HIVEP1: variants seen among roughly 807,000 people sequenced by gnomAD.
HIVEP1 encodes the protein zinc finger protein 40.
In HIVEP1, 36 loss-of-function variants were observed where a neutral mutation model predicts 180.0. The observed-to-expected ratio is 0.20, with a 90% CI of 0.15 to 0.26. HIVEP1 has a LOEUF of 0.26. HIVEP1 is among the 10% of genes least tolerant of loss of function. HIVEP1 has a pLI of 1.00. For missense variants in HIVEP1, 3,143 were observed against 3,268.7 expected, an observed-to-expected ratio of 0.96 and a Z score of 0.94; for synonymous variants, 1,239 against 1,239.0, an observed-to-expected ratio of 1.00 and a Z score of 0.00.
chr6:12,034,162 C>G lies in HIVEP1; in HGVS notation c.40+18494C>G, dbSNP rs535611951. On this transcript the variant is annotated intron_variant, in intron 2 of 8. Transcript: ENST00000379388. ...TAAACATTAGATAGTCTTTTAGCAC[C>G]TGCATTTTTTTGTAAGAGTCAAGCA... is the stretch of plus-strand genomic sequence containing the variant. Among the ~76,000 whole-genome samples, 121 of 152,258 alleles carry G rather than the reference C, an allele frequency of 7.9e-4. 1 individual carries two copies. Among genetic ancestry groups the G allele is most frequent in the African/African-American group, 2.8e-3 (117 of 41,556 alleles).
chr6:12,194,845 AC>A, the HIVEP1 span, among the ~76,000 whole-genome samples: 7 of 152,070 alleles, frequency 4.6e-5, no homozygotes, highest in South Asian at 1.5e-3. Flanking sequence ...TGTTGTCAGG[AC>A]TCTTACAACA....
In HIVEP1 at chr6:12,121,452, G is replaced by A; in HGVS notation, c.1657G>A (p.Glu553Lys). The A allele has an allele frequency of 6.2e-7, 1 of 1,614,204 alleles. No individual in the cohort carries two copies. Among genetic ancestry groups the A allele is most frequent in the African/African-American group, 1.3e-5 (1 of 75,056 alleles). The change falls in exon 4 of 9, where the codon GAA (glutamate) becomes AAA (lysine). Residue 553 changes from glutamate to lysine, a missense_variant. By Grantham distance (56) the Glu-to-Lys change is moderately conservative. Around this residue, in one of 12 missense-constraint regions of HIVEP1, gnomAD observed 365 missense variants for 344.4 expected, o/e 1.06. Transcript: ENST00000379388. This position sits in a 1 kb window ranked among gnomAD's most constrained non-coding sequence, Gnocchi z 5.3. ...CTTTTTGCTACAGGACAGATCTGCA[G>A]AATCACAAGCTGTGACAGAGTTACC... ...GDFLLQDRSAESQAVTELPKV... is the reference protein window; with the variant it reads ...GDFLLQDRSAKSQAVTELPKV...
chr6:12,016,147 A>G lies in HIVEP1; in HGVS notation c.40+479A>G, dbSNP rs145498968. Among the ~76,000 whole-genome samples the G allele has an allele frequency of 4.6e-4, 70 of 152,366 alleles. 1 individual carries two copies. The highest frequency in any genetic ancestry group is 1.6e-3 in the African/African-American group (66 of 41,580). On this transcript the variant is annotated intron_variant, in intron 2 of 8. Coordinates refer to ENST00000379388, the MANE Select transcript of HIVEP1 (RefSeq NM_002114.4). ...ATTCACTCAGACCATTACTTGCAGA[A>G]GTCAGAGGCAAACTGAGTTATTTTC...
At chr6:12,188,113 C>T in the HIVEP1 span, among the ~76,000 whole-genome samples, 464 of 152,258 alleles carry the variant, frequency 3.0e-3, 2 homozygotes, top group African/African-American at 0.011. Context: ...TTAAGATCAT[C>T]TGTCACTTAT....
At chr6:12,187,306 A>G in the HIVEP1 span, among the ~76,000 whole-genome samples, 3 of 152,108 alleles carry the variant, frequency 2.0e-5, no homozygotes, top group Admixed American at 1.3e-4. Flanking sequence ...TGGGGGTCTA[A>G]TGGGAGGTGT....
intron 8 of HIVEP1, among the ~76,000 whole-genome samples, 198 bp downstream of exon 8, chr6:12,162,127 T>A (rs1182419639): frequency 6.6e-6 from 1 of 152,014 alleles, no homozygotes; most frequent in Non-Finnish European, 1.5e-5. Flanking sequence ...TCTTAAGCAG[T>A]TCAGATATTT....
At chr6:12,038,409 C>T (rs1388435029) in intron 2 of HIVEP1, 1 of 152,182 alleles carries the variant, frequency 6.6e-6, no homozygotes, top group Non-Finnish European at 1.5e-5. Flanking sequence ...CGCGGTGGCT[C>T]ACGATTGTAA....
Position 12,163,611 on chromosome 6 carries a change from G to A in HIVEP1, c.7307G>A (p.Arg2436Lys). Residue 2436 changes from arginine (R) to lysine (K), a missense_variant, in exon 9 of 9, where the codon AGA becomes AAA. Physicochemically the swap from Arg to Lys is conservative, Grantham distance 26 (BLOSUM62 2). Transcript: ENST00000379388. ...LTIPAVSVVH[R>K]TLGTHRNTVT... ...ATCCCTGCTGTCAGTGTCGTTCACA[G>A]AACTTTGGGTACTCATAGGAATACG... 1 of 1,614,198 alleles carries A rather than the reference G, an allele frequency of 6.2e-7. No homozygotes were observed. Among genetic ancestry groups the A allele is most frequent in the Non-Finnish European group, 8.5e-7 (1 of 1,180,036 alleles).
At chr6:12,165,514 T>G (rs906355677), downstream of HIVEP1, among the ~76,000 whole-genome samples, 1 of 152,236 alleles carries the variant, frequency 6.6e-6, no homozygotes, top group Admixed American at 6.5e-5. Context: ...TTCAGACTTC[T>G]AAATTACTTA....
chr6:12,197,876 G>A, the HIVEP1 span, among the ~76,000 whole-genome samples: 2 of 152,168 alleles, frequency 1.3e-5, no homozygotes, highest in Non-Finnish European at 2.9e-5. Flanking sequence ...AAACAGATGG[G>A]TTTGAAAGCT....
intron 2 of HIVEP1, among the ~76,000 whole-genome samples, chr6:12,049,252 C>T (rs1460181372): frequency 2.6e-5 from 4 of 152,204 alleles, no homozygotes; most frequent in African/African-American, 9.7e-5. Flanking sequence ...TCAGGATTCA[C>T]CTGTTTTTAA....
chr6:12,210,582 G>A, the HIVEP1 span, among the ~76,000 whole-genome samples: 1 of 152,228 alleles, frequency 6.6e-6, no homozygotes, highest in Non-Finnish European at 1.5e-5. Flanking sequence ...TATAACAGCT[G>A]TGAAATTGCT....
At chr6:12,012,237 C>T (rs1205506555), upstream of HIVEP1, 1 of 144,208 alleles carries the variant, frequency 6.9e-6, no homozygotes, top group African/African-American at 2.5e-5. Context: ...GGCCCCCGCC[C>T]GCGCGCCCCG....
intron 2 of HIVEP1, among the ~76,000 whole-genome samples, chr6:12,022,781 G>T (rs998302401): frequency 6.6e-6 from 1 of 152,150 alleles, no homozygotes; most frequent in African/African-American, 2.4e-5. Context: ...TGCATTTTAG[G>T]CTTCTCATGT....
intron 4 of HIVEP1, among the ~76,000 whole-genome samples, chr6:12,128,888 A>G (rs566434396): frequency 6.6e-6 from 1 of 152,324 alleles, no homozygotes; most frequent in Non-Finnish European, 1.5e-5. Flanking sequence ...ATTTATCAGT[A>G]TTCAGTAAAC....
upstream of HIVEP1, among the ~76,000 whole-genome samples, chr6:12,010,516 GTT>G (rs1299881100): frequency 6.6e-6 from 1 of 152,042 alleles, no homozygotes; most frequent in Non-Finnish European, 1.5e-5. Flanking sequence ...AACAATTCAA[GTT>G]TGCACAGATG....
intron 2 of HIVEP1, among the ~76,000 whole-genome samples, chr6:12,057,489 T>C (rs901111443): frequency 5.3e-5 from 8 of 152,212 alleles, no homozygotes; most frequent in African/African-American, 1.9e-4. Context: ...GGTCTAGAGA[T>C]GATCTTGATA....
chr6:12,168,016 A>ATATG (rs1367665225), downstream of HIVEP1, among the ~76,000 whole-genome samples: 52 of 34,584 alleles, frequency 1.5e-3, 6 homozygotes, highest in African/African-American at 5.0e-3. Context: ...ATACATGTAC[A>ATATG]TGTATATATG....
At chr6:12,021,416 A>G (rs948104565) in intron 2 of HIVEP1, among the ~76,000 whole-genome samples, 2 of 152,106 alleles carry the variant, frequency 1.3e-5, no homozygotes, top group African/African-American at 2.4e-5. Context: ...CTTACTCTGT[A>G]TGGGAGATGT....
Sources: allele counts gnomAD v4.1 joint callset (sites outside exome capture counted in the v4.1 genomes callset), GRCh38; gene constraint gnomAD v4.1.1; regional missense constraint gnomAD v4.1.1; non-coding constraint Gnocchi (gnomAD v3.1); transcripts MANE v1.5; gene names NCBI Gene and HGNC (gene_info 2026-07-23, HGNC 2026-07-21).